KIRREL3: variants seen among roughly 807,000 people sequenced by gnomAD.
The protein encoded by KIRREL3 is kin of IRRE-like protein 3.
KIRREL3 carries 36 observed loss-of-function variants against 89.7 expected under a neutral mutation model. The ratio of observed to expected loss-of-function variants is 0.40; its 90% confidence interval spans 0.31 to 0.53. KIRREL3 has a LOEUF of 0.53. Ranked by LOEUF, KIRREL3 falls within the 20% of genes least tolerant of loss-of-function variation. The probability of loss-of-function intolerance (pLI) is 0.49; values close to 1 mark genes in which losing one functional copy is unlikely to be tolerated. For synonymous variants in KIRREL3, 445 were observed against 441.4 expected (o/e 1.01, Z -0.10); for missense variants, 864 against 1,056.6 (o/e 0.82, Z 2.53).
intron 1 of KIRREL3, among the ~76,000 whole-genome samples, chr11:126,804,838 C>A (rs1174104496): frequency 6.6e-6 from 1 of 152,122 alleles, no homozygotes; most frequent in Non-Finnish European, 1.5e-5. Context: ...TGGGTGCAGG[C>A]TTCAGGATTT....
At chr11:126,923,202 T>C (rs1296616351) in intron 1 of KIRREL3, among the ~76,000 whole-genome samples, 88 of 7,736 alleles carry the variant, frequency 0.011, 26 homozygotes, top group African/African-American at 0.023. Context: ...CTTCTTCTTC[T>C]TCTTCTTCTT....
At position 126,628,975 on chromosome 11, in the gene KIRREL3, C is replaced by T. The variant is rs1217890371; in HGVS notation, c.56-66063G>A. Among the ~76,000 whole-genome samples the T allele has an allele frequency of 2.6e-5, 4 of 152,220 alleles. No individual in the cohort carries two copies. The highest frequency in any genetic ancestry group is 4.8e-5 in the African/African-American group (2 of 41,452). ...ATAATGAGCATTTAAAGGGCACGTC[C>T]TAATGAAGGGAGCCAGGAATGACTG... On this transcript the variant is annotated intron_variant, in intron 1 of 16. Coordinates refer to ENST00000525144, the MANE Select transcript of KIRREL3 (RefSeq NM_032531.4). The surrounding 1 kb of genome is among the most constrained non-coding windows in gnomAD (Gnocchi z 5.2).
In KIRREL3 at chr11:126,768,196, T is replaced by C. The variant is rs1021379932; in HGVS notation, c.56-205284A>G. Among the ~76,000 whole-genome samples, 2 of 150,608 alleles carry C rather than the reference T, an allele frequency of 1.3e-5. No homozygotes were observed. Among genetic ancestry groups the C allele is most frequent in the Non-Finnish European group, 3.0e-5 (2 of 67,766 alleles). On this transcript the variant is annotated intron_variant, in intron 1 of 16. Coordinates refer to ENST00000525144, the MANE Select transcript of KIRREL3 (RefSeq NM_032531.4). This position sits in a 1 kb window ranked among gnomAD's most constrained non-coding sequence, Gnocchi z 4.5. ...ATCCATCCATCCATCCATCCATCCA[T>C]CCATCCATCCATCCATCCATCCATC...
At chr11:126,504,801 T>C (rs1015958661) in intron 4 of KIRREL3, among the ~76,000 whole-genome samples, 1 of 152,202 alleles carries the variant, frequency 6.6e-6, no homozygotes, top group Non-Finnish European at 1.5e-5. Context: ...AAAGATTATA[T>C]GCCATGACCA....
intron 1 of KIRREL3, among the ~76,000 whole-genome samples, chr11:126,945,485 C>G (rs1444517363): frequency 3.3e-5 from 5 of 152,196 alleles, no homozygotes; most frequent in Admixed American, 1.3e-4. Flanking sequence ...TGGGGCCCTT[C>G]AGTACCATTT....
chr11:126,891,605 A>AGAAGCCAGTCTCAGG lies in KIRREL3; in HGVS notation c.55+108835_55+108849dup, dbSNP rs1945925883. Among the ~76,000 whole-genome samples, 1 of 152,256 alleles carries AGAAGCCAGTCTCAGG rather than the reference A, an allele frequency of 6.6e-6. No homozygotes were observed. Among genetic ancestry groups the AGAAGCCAGTCTCAGG allele is most frequent in the African/African-American group, 2.4e-5 (1 of 41,480 alleles). Reference sequence around the variant, plus strand: ...CTATCACTGTCAGGGAGCAAACGGCAGAAGCCAGTCTCAGGGAAGCCAGTG... The same window carrying AGAAGCCAGTCTCAGG: ...CTATCACTGTCAGGGAGCAAACGGCAGAAGCCAGTCTCAGGGAAGCCAGTCTCAGGGAAGCCAGTG... On this transcript the variant is annotated intron_variant, in intron 1 of 16. Coordinates refer to ENST00000525144, the MANE Select transcript of KIRREL3 (RefSeq NM_032531.4). This position sits in a 1 kb window ranked among gnomAD's most constrained non-coding sequence, Gnocchi z 5.1.
At chr11:126,548,552 T>G (rs1042108634) in intron 2 of KIRREL3, among the ~76,000 whole-genome samples, 2 of 152,232 alleles carry the variant, frequency 1.3e-5, no homozygotes, top group African/African-American at 2.4e-5. Context: ...TGGCTGCCCA[T>G]AGTGGTAGCA....
rs1256264313 is a variant in KIRREL3, at chr11:126,520,040, C to T, written c.433+1275G>A. ...TTCTGAGGCTGGCCCCAAGTCCCTC[C>T]CCCGCATCTCAAGAAGTCAAGCTCC... is the stretch of plus-strand genomic sequence containing the variant. On this transcript the variant is annotated intron_variant, in intron 4 of 16. Coordinates refer to ENST00000525144, the MANE Select transcript of KIRREL3 (RefSeq NM_032531.4). The surrounding 1 kb of genome is among the most constrained non-coding windows in gnomAD (Gnocchi z 4.9). Among the ~76,000 whole-genome samples the T allele has an allele frequency of 6.6e-6, 1 of 152,188 alleles. No individual in the cohort carries two copies. Among genetic ancestry groups the T allele is most frequent in the Admixed American group, 6.5e-5 (1 of 15,282 alleles).
rs1944979704 is a variant in KIRREL3, at chr11:126,653,279, C to T, written c.56-90367G>A. ...TGACGGCTTTGCAGAGGCAGAGGAA[C>T]GACTGACTTGCTCAGTGAAGGATGG... On this transcript the variant is annotated intron_variant, in intron 1 of 16. Transcript: ENST00000525144. This position sits in a 1 kb window ranked among gnomAD's most constrained non-coding sequence, Gnocchi z 5.4. Among the ~76,000 whole-genome samples the T allele has an allele frequency of 6.6e-6, 1 of 152,132 alleles. No individual in the cohort carries two copies. The highest frequency in any genetic ancestry group is 2.4e-5 in the African/African-American group (1 of 41,406).
intron 4 of KIRREL3, among the ~76,000 whole-genome samples, chr11:126,503,811 C>G (rs975262237): frequency 6.6e-5 from 10 of 151,052 alleles, no homozygotes; most frequent in African/African-American, 2.2e-4. Context: ...CTGTCTCTCT[C>G]TCTCCTTCCT....
chr11:126,457,458 C>T (rs1420627387), intron 6 of KIRREL3, among the ~76,000 whole-genome samples: 2 of 147,564 alleles, frequency 1.4e-5, no homozygotes, highest in Non-Finnish European at 3.0e-5. Context: ...TGTGTGTATA[C>T]ATGTGTATAT....
In KIRREL3 at chr11:126,636,401, C is replaced by T. The variant is rs1048045034; in HGVS notation, c.56-73489G>A. The stretch of plus-strand genomic sequence containing the variant: ...ATGCCCTGTAAGTGAGTGCCTTCCT[C>T]TTTCTCCCTTCTGGCACTTGTTCTG... On this transcript the variant is annotated intron_variant, in intron 1 of 16. Transcript: ENST00000525144. The surrounding 1 kb of genome is among the most constrained non-coding windows in gnomAD (Gnocchi z 4.4). 6.6e-6 allele frequency among the ~76,000 whole-genome samples: 1 copy of T among 152,200 alleles called. No homozygotes were observed. Among genetic ancestry groups the T allele is most frequent in the South Asian group, 2.1e-4 (1 of 4,828 alleles).
rs1892929 is a variant in KIRREL3, at chr11:126,520,327, G to T, written c.433+988C>A. On this transcript the variant is annotated intron_variant, in intron 4 of 16. Transcript: ENST00000525144. The surrounding 1 kb of genome is among the most constrained non-coding windows in gnomAD (Gnocchi z 4.9). ...GCACGCGTGCCTGGCACAGACTCAC[G>T]TGTAAGGGGGCAGCGAGGTGGGGCA... 6.6e-6 allele frequency among the ~76,000 whole-genome samples: 1 copy of T among 152,024 alleles called. No homozygotes were observed. Among genetic ancestry groups the T allele is most frequent in the Non-Finnish European group, 1.5e-5 (1 of 68,004 alleles).
chr11:126,966,097 C>T (rs1479175134), intron 1 of KIRREL3, among the ~76,000 whole-genome samples: 1 of 152,054 alleles, frequency 6.6e-6, no homozygotes, highest in Non-Finnish European at 1.5e-5. Context: ...GGAATTTTGA[C>T]CCCAAGCTGC....
chr11:126,632,697 C>T (rs1261960137), intron 1 of KIRREL3, among the ~76,000 whole-genome samples: 1 of 152,286 alleles, frequency 6.6e-6, no homozygotes, highest in Non-Finnish European at 1.5e-5. Flanking sequence ...CCACAAGCCT[C>T]CTCCACTGCA....
At position 126,764,129 on chromosome 11, in the gene KIRREL3, T is replaced by G. The variant is rs1341356215; in HGVS notation, c.56-201217A>C. 6.6e-6 allele frequency among the ~76,000 whole-genome samples: 1 copy of G among 152,308 alleles called. No individual in the cohort carries two copies. Among genetic ancestry groups the G allele is most frequent in the South Asian group, 2.1e-4 (1 of 4,820 alleles). On this transcript the variant is annotated intron_variant, in intron 1 of 16. Coordinates refer to ENST00000525144, the MANE Select transcript of KIRREL3 (RefSeq NM_032531.4). This position sits in a 1 kb window ranked among gnomAD's most constrained non-coding sequence, Gnocchi z 4.2. The stretch of plus-strand genomic sequence containing the variant: ...GTTTTAAAAGACATTCAGATCAGAA[T>G]GAATGAAATGCTAACTTTTCCCCTG...
chr11:126,815,733 C>T (rs111487363), intron 1 of KIRREL3, among the ~76,000 whole-genome samples: 7 of 152,188 alleles, frequency 4.6e-5, no homozygotes, highest in African/African-American at 1.7e-4. Context: ...GACGGGGTTT[C>T]ACTGTGTTAG....
chr11:126,863,500 T>A (rs1944799056), intron 1 of KIRREL3, among the ~76,000 whole-genome samples: 1 of 134,224 alleles, frequency 7.5e-6, no homozygotes, highest in African/African-American at 2.8e-5. Context: ...CGTGTGTGAG[T>A]GTGAGTGCGT....
Position 126,685,876 on chromosome 11 carries a change from T to C in KIRREL3, c.56-122964A>G, listed in dbSNP as rs1013408127. Among the ~76,000 whole-genome samples, 1 of 152,198 alleles carries C rather than the reference T, an allele frequency of 6.6e-6. No homozygotes were observed. Among genetic ancestry groups the C allele is most frequent in the African/African-American group, 2.4e-5 (1 of 41,450 alleles). On this transcript the variant is annotated intron_variant, in intron 1 of 16. Transcript: ENST00000525144. This position sits in a 1 kb window ranked among gnomAD's most constrained non-coding sequence, Gnocchi z 5.5. ...TGGATCGGGGCCACTGGAGACTTTT[T>C]CCCTCATGCTGGGCTCTTCACGTGG...
Sources: gnomAD v4.1 joint callset for allele counts (sites outside exome capture counted in the v4.1 genomes callset) on GRCh38, gnomAD v4.1.1 for gene constraint, Gnocchi (gnomAD v3.1) non-coding constraint, MANE v1.5 for transcripts, NCBI Gene and HGNC (gene_info 2026-07-23, HGNC 2026-07-21) for gene names.